Variants in ELAPOR1 observed in about 807,000 individuals in gnomAD.
ELAPOR1 encodes the protein endosome-lysosome associated apoptosis and autophagy regulator 1.
A neutral mutation model predicts 119.7 loss-of-function variants in ELAPOR1; 77 were observed. The observed-to-expected ratio is 0.64, with a 90% CI of 0.54 to 0.78. ELAPOR1 has a LOEUF of 0.78. ELAPOR1 is among the 30% of genes least tolerant of loss of function. The pLI is 0.00. For synonymous variants in ELAPOR1, 481 were observed against 487.2 expected (o/e 0.99, Z 0.17); for missense variants, 1,115 against 1,270.4 (o/e 0.88, Z 1.86).
At position 109,164,557 on chromosome 1, in the gene ELAPOR1, C is replaced by A. The variant is rs758125698; in HGVS notation, c.333C>A (p.Cys111Ter). The A allele has an allele frequency of 6.2e-7, 1 of 1,614,188 alleles. No homozygotes were observed. Among genetic ancestry groups the A allele is most frequent in the Non-Finnish European group, 8.5e-7 (1 of 1,179,994 alleles). Residue 111 changes from cysteine to a stop codon, truncating the protein, a stop_gained, in exon 3 of 22, where the codon TGC becomes TGA. Coordinates refer to ENST00000369939, the MANE Select transcript of ELAPOR1 (RefSeq NM_020775.5). LOFTEE classifies it high-confidence loss of function. Reference sequence around the variant, plus strand: ...TGAAGGACCAGTCATGTAAGCCATGCGCTGAGGGCCGCTACTCCCTCGGCA... The same window carrying A: ...TGAAGGACCAGTCATGTAAGCCATGAGCTGAGGGCCGCTACTCCCTCGGCA... Reference protein sequence around the residue: ...LDMKDQSCKPCAEGRYSLGTG... With the variant: ...LDMKDQSCKP
At chr1:109,179,537 A>G (rs1406757101) in intron 7 of ELAPOR1, among the ~76,000 whole-genome samples, 1 of 152,132 alleles carries the variant, frequency 6.6e-6, no homozygotes, top group Non-Finnish European at 1.5e-5. Context: ...GGCCGGAAAC[A>G]GATTATGGAG....
At chr1:109,188,984 A>C in intron 9 of ELAPOR1, 82 bp from the exon 10 acceptor site, 1 of 1,553,648 alleles carries the variant, frequency 6.4e-7, no homozygotes, top group Non-Finnish European at 8.8e-7. Context: ...TACTGTTGCA[A>C]CTTGTCTGTG....
At chr1:109,169,723 G>A (rs1028104373) in intron 3 of ELAPOR1, among the ~76,000 whole-genome samples, 16 of 152,302 alleles carry the variant, frequency 1.1e-4, no homozygotes, top group African/African-American at 3.6e-4. Flanking sequence ...GGTAAATTTG[G>A]TCTCTTCCCT....
At chr1:109,148,109 T>G (rs1019885857) in intron 1 of ELAPOR1, among the ~76,000 whole-genome samples, 2 of 151,800 alleles carry the variant, frequency 1.3e-5, no homozygotes, top group African/African-American at 4.8e-5. Flanking sequence ...AGTGCTGGGA[T>G]TACAGGCGTG....
intron 1 of ELAPOR1, among the ~76,000 whole-genome samples, chr1:109,149,941 A>G (rs541780911): frequency 3.9e-4 from 60 of 152,336 alleles, no homozygotes; most frequent in Non-Finnish European, 6.8e-4. Flanking sequence ...GGGGAAGAAG[A>G]TGCAGGTACA....
At chr1:109,172,353 G>A (rs763887662) in intron 4 of ELAPOR1, 135 bp from the exon 5 acceptor site, 8 of 668,438 alleles carry the variant, frequency 1.2e-5, no homozygotes, top group Non-Finnish European at 2.1e-5. Flanking sequence ...CATGTGTTTT[G>A]AGCTCAATCC....
At chr1:109,130,957 G>A (rs1649119014) in intron 1 of ELAPOR1, among the ~76,000 whole-genome samples, 1 of 152,134 alleles carries the variant, frequency 6.6e-6, no homozygotes, top group Non-Finnish European at 1.5e-5. Context: ...GGGCCGCATA[G>A]CAAGACTCTC....
rs138782527 is a variant in ELAPOR1, at chr1:109,149,650, C to T, written c.154-12244C>T. ...TCAGGTGCTGTTCTGGGTGTCTGGGCCACATCCATGGATAAAAACAAAGAT... is the reference window on the plus strand; with the variant it reads ...TCAGGTGCTGTTCTGGGTGTCTGGGTCACATCCATGGATAAAAACAAAGAT... On this transcript the variant is annotated intron_variant, in intron 1 of 21. Transcript: ENST00000369939. Among the ~76,000 whole-genome samples, 228 of 152,258 alleles carry T rather than the reference C, an allele frequency of 1.5e-3. 4 individuals are homozygous for T. In the South Asian group the frequency reaches 0.028, roughly 19 times the overall value.
At chr1:109,148,585 G>A (rs902818228) in intron 1 of ELAPOR1, among the ~76,000 whole-genome samples, 1 of 152,174 alleles carries the variant, frequency 6.6e-6, no homozygotes, top group Non-Finnish European at 1.5e-5. Flanking sequence ...ATATCTATTT[G>A]CTCCAGTAGA....
intron 1 of ELAPOR1, among the ~76,000 whole-genome samples, chr1:109,132,772 CAGTT>C (rs1194512297): frequency 6.6e-6 from 1 of 152,100 alleles, no homozygotes; most frequent in African/African-American, 2.4e-5. Flanking sequence ...AAGGAGACCA[CAGTT>C]AGAAATAAGG....
intron 3 of ELAPOR1, among the ~76,000 whole-genome samples, chr1:109,168,699 A>G (rs1651745371): frequency 6.6e-6 from 1 of 152,254 alleles, no homozygotes; most frequent in East Asian, 1.9e-4. Flanking sequence ...TGTAAACATT[A>G]AAAATGAAAA....
chr1:109,153,396 G>A (rs1650655576), intron 1 of ELAPOR1, among the ~76,000 whole-genome samples: 1 of 152,122 alleles, frequency 6.6e-6, no homozygotes, highest in African/African-American at 2.4e-5. Context: ...ACAACTCCAG[G>A]TCCAACAATA....
intron 7 of ELAPOR1, among the ~76,000 whole-genome samples, chr1:109,182,775 G>A (rs560889296): frequency 9.3e-4 from 142 of 151,986 alleles, no homozygotes; most frequent in Non-Finnish European, 1.8e-3. Context: ...GCTGAGGCAG[G>A]AGAATGGCGT....
At chr1:109,199,020 T>C (rs1654001549) in intron 18 of ELAPOR1, among the ~76,000 whole-genome samples, 1 of 152,324 alleles carries the variant, frequency 6.6e-6, no homozygotes, top group South Asian at 2.1e-4. Context: ...TTTTTCCATA[T>C]CTGTAAAAAT....
At chr1:109,179,409 CA>C (rs773712424) in intron 7 of ELAPOR1, among the ~76,000 whole-genome samples, 1,315 of 50,460 alleles carry the variant, frequency 0.026, 7 homozygotes, top group Middle Eastern at 0.062. Context: ...ACTCTGTCTC[CA>C]AAAAAAAAAA....
chr1:109,185,839 G>A (rs541285367), intron 8 of ELAPOR1, among the ~76,000 whole-genome samples: 3 of 152,272 alleles, frequency 2.0e-5, no homozygotes, highest in Non-Finnish European at 4.4e-5. Flanking sequence ...ACTTGGGGTG[G>A]GGGCAGCAGA....
chr1:109,179,027 G>A (rs1652530905), intron 7 of ELAPOR1, among the ~76,000 whole-genome samples: 1 of 151,906 alleles, frequency 6.6e-6, no homozygotes, highest in Non-Finnish European at 1.5e-5. Flanking sequence ...TAGAAAAGAA[G>A]GAAAAGTTTC....
intron 1 of ELAPOR1, among the ~76,000 whole-genome samples, chr1:109,133,092 T>C (rs915587009): frequency 2.6e-5 from 4 of 151,968 alleles, no homozygotes; most frequent in Admixed American, 6.6e-5. Flanking sequence ...TAACCAGGCA[T>C]GGTGGCTTAT....
At chr1:109,132,818 T>A (rs1649230265) in intron 1 of ELAPOR1, among the ~76,000 whole-genome samples, 1 of 152,184 alleles carries the variant, frequency 6.6e-6, no homozygotes, top group Non-Finnish European at 1.5e-5. Context: ...AAACCATGAA[T>A]GGTCTTAATT....
Sources: gnomAD v4.1 joint callset for allele counts (sites outside exome capture counted in the v4.1 genomes callset) on GRCh38, gnomAD v4.1.1 for gene constraint, MANE v1.5 for transcripts, NCBI Gene and HGNC (gene_info 2026-07-23, HGNC 2026-07-21) for gene names.